Variants in DST observed in about 807,000 individuals in gnomAD.
The protein encoded by DST is dystonin, also known as bullous pemphigoid antigen.
DST carries 253 observed loss-of-function variants against 875.2 expected under a neutral mutation model. The ratio of observed to expected loss-of-function variants is 0.29; its 90% CI spans 0.26 to 0.32. The LOEUF (loss-of-function observed/expected upper bound fraction) is 0.32, where lower values mean the gene tolerates loss of function less well. DST is among the 10% of genes least tolerant of loss of function. The probability of loss-of-function intolerance (pLI) is 1.00; values close to 1 mark genes in which losing one functional copy is unlikely to be tolerated. For synonymous variants in DST, 3,124 were observed against 3,197.1 expected, an observed-to-expected ratio of 0.98 and a Z score of 0.77; for missense variants, 8,287 against 9,111.6, an observed-to-expected ratio of 0.91 and a Z score of 3.68.
chr6:56,539,172 T>A lies in DST; in HGVS notation c.16609-2232A>T, dbSNP rs535076962. 3.9e-5 allele frequency among the ~76,000 whole-genome samples: 6 copies of A among 152,304 alleles called. No individual in the cohort carries two copies. In the South Asian group the frequency reaches 1.2e-3, roughly 32 times the overall value. On this transcript the variant is annotated intron_variant, in intron 61 of 103. Coordinates refer to ENST00000680361, the MANE Select transcript of DST (RefSeq NM_001374736.1). ...TATTAAATTGCCTTAACCTCTGGTC[T>A]TGGTTTTAAATTAATTTCAGGGGTT...
At chr6:56,744,616 G>A (rs2099566138) in intron 4 of DST, among the ~76,000 whole-genome samples, 1 of 152,160 alleles carries the variant, frequency 6.6e-6, no homozygotes, top group African/African-American at 2.4e-5. Flanking sequence ...TGGATGGTTG[G>A]TGAACAGGGA....
rs2096681101 is a variant in DST, at chr6:56,520,750, A to C, written c.18130-3130T>G. 4.6e-5 allele frequency among the ~76,000 whole-genome samples: 7 copies of C among 152,084 alleles called. 1 individual carries two copies. In the South Asian group the frequency reaches 1.5e-3, roughly 32 times the overall value. On this transcript the variant is annotated intron_variant, in intron 69 of 103. Coordinates refer to ENST00000680361, the MANE Select transcript of DST (RefSeq NM_001374736.1). ...TATATTAAATAAAAAAAATTTTAAA[A>C]GAAAGAAAACCAACTCTGTGGGTAA... is the stretch of plus-strand genomic sequence containing the variant.
In DST at chr6:56,470,781, AACACACACACACAC is replaced by A. The variant is rs67009040; in HGVS notation, c.22321+311_22321+324del. Among the ~76,000 whole-genome samples, 1,241 of 141,540 alleles carry A rather than the reference AACACACACACACAC, an allele frequency of 8.8e-3. 14 individuals are homozygous for A. Among genetic ancestry groups the A allele is most frequent in the African/African-American group, 0.03 (1,153 of 38,326 alleles). The allele number at this position is 141,540 out of a possible 152,430, so 92.9% of individuals were successfully genotyped here. ...ACTTCCTATTACACATATGCCAGGCAACACACACACACACACACACACACACACACACACACACA... is the reference window on the plus strand; with the variant it reads ...ACTTCCTATTACACATATGCCAGGCAACACACACACACACACACACACACA... On this transcript the variant is annotated intron_variant, in intron 95 of 103. Coordinates refer to ENST00000680361, the MANE Select transcript of DST (RefSeq NM_001374736.1).
intron 4 of DST, among the ~76,000 whole-genome samples, chr6:56,795,043 A>G (rs997542407): frequency 1.3e-5 from 2 of 152,212 alleles, no homozygotes; most frequent in Non-Finnish European, 2.9e-5. Context: ...AGCCCCTTAT[A>G]GGAAAAACCA....
chr6:56,675,911 C>T (rs2099126753), intron 9 of DST, among the ~76,000 whole-genome samples: 1 of 152,020 alleles, frequency 6.6e-6, no homozygotes, highest in Admixed American at 6.6e-5. Context: ...TCATAATAGA[C>T]ATTTCTCAAA....
At chr6:56,704,048 T>C (rs2099322700) in intron 6 of DST, among the ~76,000 whole-genome samples, 1 of 152,152 alleles carries the variant, frequency 6.6e-6, no homozygotes. Flanking sequence ...GTATTTTAAT[T>C]ATAGAACTGA....
In DST at chr6:56,497,367, T is replaced by C; in HGVS notation, c.20223+12A>G. 1.2e-6 allele frequency: 2 copies of C among 1,611,110 alleles called. No homozygotes were observed. Among genetic ancestry groups the C allele is most frequent in the Non-Finnish European group, 1.7e-6 (2 of 1,177,848 alleles). On this transcript the variant is annotated intron_variant, in intron 82 of 103. Transcript: ENST00000680361. Reference sequence around the variant, plus strand: ...ATTCTGAGGCTAAAGCTGTAGGAAATACTTTGCTTACCATATGGACATTAA... The same window carrying C: ...ATTCTGAGGCTAAAGCTGTAGGAAACACTTTGCTTACCATATGGACATTAA...
intron 63 of DST, 125 bp downstream of exon 63, chr6:56,534,997 A>G (rs1356504091): frequency 9.3e-7 from 1 of 1,081,050 alleles, no homozygotes; most frequent in Non-Finnish European, 1.3e-6. Context: ...TAACAAAATA[A>G]TGTCTACAGC....
At chr6:56,572,590 G>T (rs1278434394) in intron 52 of DST, among the ~76,000 whole-genome samples, 157 bp downstream of exon 52, 1 of 152,122 alleles carries the variant, frequency 6.6e-6, no homozygotes, top group Non-Finnish European at 1.5e-5. Flanking sequence ...TCAAGGAAAA[G>T]ATAAGGTTTG....
intron 3 of DST, among the ~76,000 whole-genome samples, chr6:56,893,365 C>T (rs896885008): frequency 2.0e-5 from 3 of 152,100 alleles, no homozygotes; most frequent in East Asian, 1.9e-4. Flanking sequence ...AGTATTCCAT[C>T]GTATAGATAC....
intron 2 of DST, among the ~76,000 whole-genome samples, chr6:56,934,217 T>A (rs1360606632): frequency 6.6e-6 from 1 of 151,898 alleles, no homozygotes; most frequent in Non-Finnish European, 1.5e-5. Flanking sequence ...ACAGGGACAC[T>A]TTTTAAGATG....
rs1445163619 is a variant in DST at position 56,634,445 on chromosome 6, A to G, written c.3494+17T>C. The G allele has an allele frequency of 1.2e-6, 2 of 1,613,052 alleles. No homozygotes were observed. The highest frequency in any genetic ancestry group is 1.3e-5 in the African/African-American group (1 of 75,022). On this transcript the variant is annotated intron_variant, in intron 26 of 103. Coordinates refer to ENST00000680361, the MANE Select transcript of DST (RefSeq NM_001374736.1). ...CCCCCAAAACTAGCTCAACATTTTT[A>G]GCTAATATATACAAACCTGTTGGCA...
chr6:56,593,139 C>A (rs1202322941), intron 48 of DST, among the ~76,000 whole-genome samples: 1 of 152,094 alleles, frequency 6.6e-6, no homozygotes. Context: ...GCTGGGACTT[C>A]TGGAAATCAT....
chr6:56,932,224 G>C (rs1690873574), intron 2 of DST, among the ~76,000 whole-genome samples: 1 of 152,080 alleles, frequency 6.6e-6, no homozygotes, highest in Non-Finnish European at 1.5e-5. Flanking sequence ...GTTTTATGGG[G>C]GGTTTCTGCT....
chr6:56,903,343 CA>C (rs1314327935), intron 2 of DST, among the ~76,000 whole-genome samples: 64 of 152,352 alleles, frequency 4.2e-4, no homozygotes, highest in African/African-American at 1.5e-3. Flanking sequence ...GAGATTAAAA[CA>C]TGCTGTCACA....
chr6:56,771,562 A>G (rs1358437341), intron 4 of DST, among the ~76,000 whole-genome samples: 1 of 152,220 alleles, frequency 6.6e-6, no homozygotes, highest in African/African-American at 2.4e-5. Flanking sequence ...CAAAATATTT[A>G]GGTATATATT....
intron 72 of DST, among the ~76,000 whole-genome samples, chr6:56,512,188 A>G (rs932456161): frequency 3.3e-5 from 5 of 152,350 alleles, no homozygotes; most frequent in Non-Finnish European, 5.9e-5. Context: ...TTTAAGGAAA[A>G]ACACATGTCA....
rs1230214175 is a variant in DST at position 56,619,631 on chromosome 6, T to C, written c.4929+4899A>G. ...AAGAGATTCTAATTCTAACTGATAA[T>C]TGCGCTTTATTTTCTTGAGATCACT... On this transcript the variant is annotated intron_variant, in intron 36 of 103. Coordinates refer to ENST00000680361, the MANE Select transcript of DST (RefSeq NM_001374736.1). 5 of 1,613,798 alleles carry C rather than the reference T, an allele frequency of 3.1e-6. No homozygotes were observed. Among genetic ancestry groups the C allele is most frequent in the African/African-American group, 1.3e-5 (1 of 74,898 alleles).
Position 56,607,542 on chromosome 6 carries a change from A to C in DST, c.7086T>G (p.Ser2362=). The change falls in exon 40 of 104, where the codon TCT becomes TCG. Residue 2362 remains serine (S), a synonymous_variant. Coordinates refer to ENST00000680361, the MANE Select transcript of DST (RefSeq NM_001374736.1). ...LADISMLRSD[S]ENILTNYENQ... is the part of the protein sequence containing the mutation. ...TTTCATAGTTTGTAAGTATGTTTTCAGAGTCACTTCTAAGCATGCTAATGT... is the reference window on the plus strand; with the variant it reads ...TTTCATAGTTTGTAAGTATGTTTTCCGAGTCACTTCTAAGCATGCTAATGT... The C allele has an allele frequency of 6.2e-7, 1 of 1,607,334 alleles. No homozygotes were observed.
Sources: gnomAD v4.1 joint callset for allele counts (sites outside exome capture counted in the v4.1 genomes callset) on GRCh38, gnomAD v4.1.1 for gene constraint, MANE v1.5 for transcripts, NCBI Gene and HGNC (gene_info 2026-07-23, HGNC 2026-07-21) for gene names.